The following CDK14 variants were observed in gnomAD, a reference collection of about 807,000 sequenced individuals.
CDK14 encodes cyclin-dependent kinase 14.
CDK14 carries 34 observed loss-of-function variants against 60.7 expected under a neutral mutation model. The ratio of observed to expected loss-of-function variants is 0.56; its 90% CI spans 0.43 to 0.75. CDK14 has a LOEUF of 0.75. CDK14 is among the 30% of genes least tolerant of loss of function. The pLI is 0.00. For synonymous variants in CDK14, 197 were observed against 203.7 expected (o/e 0.97, Z 0.28); for missense variants, 482 against 564.1 (o/e 0.85, Z 1.47).
intron 2 of CDK14, among the ~76,000 whole-genome samples, chr7:90,682,659 C>T (rs1801340474): frequency 6.6e-6 from 1 of 151,782 alleles, no homozygotes; most frequent in South Asian, 2.1e-4. Flanking sequence ...TCAGTTAACC[C>T]AATACCACCT....
chr7:91,002,385 A>G (rs1173307625), intron 10 of CDK14, among the ~76,000 whole-genome samples: 1 of 152,216 alleles, frequency 6.6e-6, no homozygotes, highest in African/African-American at 2.4e-5. Flanking sequence ...AGATTTCTTT[A>G]TGCCTTTATG....
At chr7:91,031,720 C>T (rs1796765131) in intron 10 of CDK14, among the ~76,000 whole-genome samples, 1 of 152,152 alleles carries the variant, frequency 6.6e-6, no homozygotes, top group Admixed American at 6.5e-5. Context: ...AAATAACAAA[C>T]ATGTTCTTTT....
chr7:90,639,762 T>C (rs899711500), intron 2 of CDK14, among the ~76,000 whole-genome samples: 1 of 151,742 alleles, frequency 6.6e-6, no homozygotes, highest in African/African-American at 2.4e-5. Flanking sequence ...TGAGCTGTGT[T>C]GGGCTCCACC....
At chr7:91,097,685 A>G (rs867816954) in intron 12 of CDK14, among the ~76,000 whole-genome samples, 1 of 152,010 alleles carries the variant, frequency 6.6e-6, no homozygotes, top group Admixed American at 6.6e-5. Context: ...GCTCTGCCTC[A>G]CTTGCTGTGT....
At chr7:91,186,779 C>T (rs1562987450) in intron 14 of CDK14, among the ~76,000 whole-genome samples, 2 of 152,044 alleles carry the variant, frequency 1.3e-5, no homozygotes, top group Non-Finnish European at 2.9e-5. Context: ...AATTCTGAGA[C>T]AAGGAAAAAG....
intron 7 of CDK14, among the ~76,000 whole-genome samples, chr7:90,916,986 T>C (rs1793102665): frequency 6.6e-6 from 1 of 152,220 alleles, no homozygotes; most frequent in South Asian, 2.1e-4. Context: ...GTGAAGGTGG[T>C]ACATGTCTGT....
chr7:90,656,695 G>C (rs1800758419), intron 2 of CDK14, among the ~76,000 whole-genome samples: 1 of 152,120 alleles, frequency 6.6e-6, no homozygotes, highest in Non-Finnish European at 1.5e-5. Flanking sequence ...TTTTTCTGAA[G>C]ACTGTCTAGA....
At chr7:90,625,348 G>A (rs1799855559) in intron 2 of CDK14, among the ~76,000 whole-genome samples, 1 of 152,080 alleles carries the variant, frequency 6.6e-6, no homozygotes, top group Non-Finnish European at 1.5e-5. Flanking sequence ...TTTAAAAAAG[G>A]TTATTTTTAA....
chr7:90,841,891 T>A (rs1790308289), intron 5 of CDK14, among the ~76,000 whole-genome samples: 1 of 152,060 alleles, frequency 6.6e-6, no homozygotes, highest in East Asian at 1.9e-4. Context: ...TTAATACAGG[T>A]ACCATCCTTA....
At chr7:90,945,249 ACT>A (rs1794066760) in intron 8 of CDK14, among the ~76,000 whole-genome samples, 1 of 152,074 alleles carries the variant, frequency 6.6e-6, no homozygotes, top group African/African-American at 2.4e-5. Flanking sequence ...ATTAAGTGTT[ACT>A]CTAGGCCAAC....
At chr7:91,167,295 A>ACGTTGGTTGG (rs1801376183) in intron 14 of CDK14, among the ~76,000 whole-genome samples, 5 of 152,154 alleles carry the variant, frequency 3.3e-5, no homozygotes, top group African/African-American at 1.2e-4. Flanking sequence ...TAATTTTTTA[A>ACGTTGGTTGG]AAAAGGAGAA....
chr7:91,032,958 T>G (rs1377080064), intron 10 of CDK14, among the ~76,000 whole-genome samples: 2 of 152,256 alleles, frequency 1.3e-5, no homozygotes, highest in Admixed American at 1.3e-4. Context: ...AATGAATATT[T>G]AAATTAAAAT....
intron 14 of CDK14, among the ~76,000 whole-genome samples, chr7:91,143,584 G>T (rs116866463): frequency 6.6e-6 from 1 of 152,116 alleles, no homozygotes; most frequent in Non-Finnish European, 1.5e-5. Flanking sequence ...AGCCAGGCGT[G>T]GTAGTGCTCA....
At chr7:91,160,090 C>T (rs975621824) in intron 14 of CDK14, among the ~76,000 whole-genome samples, 10 of 152,134 alleles carry the variant, frequency 6.6e-5, no homozygotes, top group Admixed American at 6.5e-4. Context: ...ATGTGATCCA[C>T]TCAGATTGGG....
chr7:90,884,570 G>A (rs6465295), intron 6 of CDK14, among the ~76,000 whole-genome samples: 138,115 of 152,214 alleles, frequency 0.91, 62,723 homozygotes, highest in East Asian at 0.96. Flanking sequence ...TCTTCACAGT[G>A]TTAGAATAAA....
At position 90,853,763 on chromosome 7, in the gene CDK14, G is replaced by A. The variant is rs78045133; in HGVS notation, c.545-9412G>A. On this transcript the variant is annotated intron_variant, in intron 5 of 14. Coordinates refer to ENST00000380050, the MANE Select transcript of CDK14 (RefSeq NM_001287135.2). Reference sequence around the variant, plus strand: ...TAAATAAATATGTATTGGGTGATTCGTGGGTTCCATCCTTATAAACTTATA... The same window carrying A: ...TAAATAAATATGTATTGGGTGATTCATGGGTTCCATCCTTATAAACTTATA... Among the ~76,000 whole-genome samples, 551 of 152,206 alleles carry A rather than the reference G, an allele frequency of 3.6e-3. 1 individual carries two copies. Among genetic ancestry groups the A allele is most frequent in the African/African-American group, 0.013 (530 of 41,532 alleles).
Position 90,821,208 on chromosome 7 carries a change from G to A in CDK14, c.544+30556G>A, listed in dbSNP as rs182716659. On this transcript the variant is annotated intron_variant, in intron 5 of 14. Transcript: ENST00000380050. Reference sequence around the variant, plus strand: ...TCCCTGGAAACCTATGTTGCATGCAGGTTTATTGGAGAATGATTCAGGAGA... The same window carrying A: ...TCCCTGGAAACCTATGTTGCATGCAAGTTTATTGGAGAATGATTCAGGAGA... Among the ~76,000 whole-genome samples, 102 of 152,264 alleles carry A rather than the reference G, an allele frequency of 6.7e-4. No individual in the cohort carries two copies. The Middle Eastern group carries it at 0.014, about 20-fold the overall frequency.
intron 2 of CDK14, among the ~76,000 whole-genome samples, chr7:90,667,048 T>C (rs1800995283): frequency 6.6e-6 from 1 of 152,238 alleles, no homozygotes; most frequent in African/African-American, 2.4e-5. Context: ...TATTTATTTA[T>C]TTACTTATTG....
chr7:90,803,889 GCAAAGTCATA>G (rs1444957904), intron 5 of CDK14, among the ~76,000 whole-genome samples: 1 of 151,928 alleles, frequency 6.6e-6, no homozygotes, highest in African/African-American at 2.4e-5. Flanking sequence ...TTTTTTTTGT[GCAAAGTCATA>G]CAAATAATTA....
Sources: allele counts gnomAD v4.1 joint callset (sites outside exome capture counted in the v4.1 genomes callset), GRCh38; gene constraint gnomAD v4.1.1; transcripts MANE v1.5; gene names NCBI Gene and HGNC (gene_info 2026-07-23, HGNC 2026-07-21).